The following SNX29 variants were observed in gnomAD, a reference collection of about 807,000 sequenced individuals.
The protein encoded by SNX29 is sorting nexin-29.
SNX29 carries 78 observed loss-of-function variants against 102.1 expected under a neutral mutation model. The ratio of observed to expected loss-of-function variants is 0.76; its 90% CI spans 0.64 to 0.92. The LOEUF (loss-of-function observed/expected upper bound fraction) is 0.92. Among genes scored for constraint, SNX29 ranks in the 40% least tolerant of loss-of-function variants. The probability of loss-of-function intolerance (pLI) is 0.00; values close to 1 mark genes in which losing one functional copy is unlikely to be tolerated. For missense variants in SNX29, 1,280 were observed against 1,061.7 expected, an observed-to-expected ratio of 1.21 and a Z score of -2.86; for synonymous variants, 580 against 414.5, an observed-to-expected ratio of 1.40 and a Z score of -4.85.
At chr16:12,001,527 T>C (rs909788111) in intron 2 of SNX29, among the ~76,000 whole-genome samples, 2 of 152,144 alleles carry the variant, frequency 1.3e-5, no homozygotes, top group African/African-American at 4.8e-5. Context: ...AATTTACATA[T>C]AATAAAATAT....
At chr16:12,108,901 C>T (rs2053381808) in intron 11 of SNX29, among the ~76,000 whole-genome samples, 2 of 152,070 alleles carry the variant, frequency 1.3e-5, no homozygotes, top group South Asian at 4.2e-4. Flanking sequence ...GAGGCCGAGG[C>T]AGGTGGATCA....
At chr16:12,376,818 C>G (rs1035298521) in intron 16 of SNX29, among the ~76,000 whole-genome samples, 1 of 150,754 alleles carries the variant, frequency 6.6e-6, no homozygotes, top group Non-Finnish European at 1.5e-5. Flanking sequence ...TCTTCAATAA[C>G]GTACTTTGTT....
intron 19 of SNX29, among the ~76,000 whole-genome samples, chr16:12,498,761 A>G (rs1187774059): frequency 2.0e-5 from 3 of 152,232 alleles, no homozygotes; most frequent in Non-Finnish European, 4.4e-5. Flanking sequence ...TTAACTTATA[A>G]ACCAAACAGC....
chr16:12,521,190 AAAAC>A (rs1007103359), intron 19 of SNX29, among the ~76,000 whole-genome samples: 2 of 152,182 alleles, frequency 1.3e-5, no homozygotes, highest in African/African-American at 4.8e-5. Context: ...AAAAAAACAA[AAAAC>A]AAAAACAAAT....
At chr16:12,439,172 A>G (rs1490851453) in intron 18 of SNX29, among the ~76,000 whole-genome samples, 1 of 152,166 alleles carries the variant, frequency 6.6e-6, no homozygotes. Flanking sequence ...AGAAAGTGTC[A>G]TTTGCCAGCC....
Position 12,535,786 on chromosome 16 carries a change from T to C in SNX29, c.2318+10945T>C, listed in dbSNP as rs147080712. On this transcript the variant is annotated intron_variant, in intron 20 of 20. Transcript: ENST00000566228. ...GTCTCCTCTGGAGGTCCTCAGAGTATAGAGGCCGCAGCCACTGTGTAAGCC... is the reference window on the plus strand; with the variant it reads ...GTCTCCTCTGGAGGTCCTCAGAGTACAGAGGCCGCAGCCACTGTGTAAGCC... 3.8e-3 allele frequency among the ~76,000 whole-genome samples: 584 copies of C among 152,022 alleles called. 2 individuals are homozygous for C. Among genetic ancestry groups the C allele is most frequent in the Non-Finnish European group, 6.4e-3 (435 of 67,790 alleles).
chr16:12,002,977 C>T lies in SNX29; in HGVS notation c.70-14C>T. On this transcript the variant is annotated splice_polypyrimidine_tract_variant and intron_variant, in intron 2 of 20. Transcript: ENST00000566228. ...TCCCAACAGCTGATCTCAGCAGCTT[C>T]TTTTTCTGTGCAGTGCCAGATCCGC... The T allele has an allele frequency of 6.2e-7, 1 of 1,614,216 alleles. No homozygotes were observed. The highest frequency in any genetic ancestry group is 8.5e-7 in the Non-Finnish European group (1 of 1,180,024).
At chr16:12,239,971 AT>A (rs1209802782) in intron 14 of SNX29, among the ~76,000 whole-genome samples, 1 of 152,180 alleles carries the variant, frequency 6.6e-6, no homozygotes, top group Non-Finnish European at 1.5e-5. Context: ...AGTCTTTTTT[AT>A]TTGTATTTAG....
At chr16:12,264,795 A>G (rs1445035162) in intron 14 of SNX29, among the ~76,000 whole-genome samples, 1 of 151,734 alleles carries the variant, frequency 6.6e-6, no homozygotes, top group Non-Finnish European at 1.5e-5. Context: ...TCACAGGTTT[A>G]GGATGAAAAC....
intron 15 of SNX29, among the ~76,000 whole-genome samples, chr16:12,280,400 G>A (rs1368847658): frequency 2.0e-5 from 3 of 152,180 alleles, no homozygotes; most frequent in African/African-American, 7.2e-5. Context: ...GTTACTGCAG[G>A]GTCCACCTGC....
At chr16:12,202,451 G>A (rs750439977) in intron 14 of SNX29, among the ~76,000 whole-genome samples, 116 of 152,008 alleles carry the variant, frequency 7.6e-4, no homozygotes, top group Non-Finnish European at 1.4e-3. Context: ...ACTTTTATTT[G>A]CGCTTTTGAA....
chr16:11,991,711 CTTT>C (rs762156831), intron 1 of SNX29, among the ~76,000 whole-genome samples: 30 of 118,340 alleles, frequency 2.5e-4, no homozygotes, highest in South Asian at 1.1e-3. Flanking sequence ...TGAGGCTAAT[CTTT>C]TTTTTTTTTT....
intron 14 of SNX29, among the ~76,000 whole-genome samples, chr16:12,260,514 C>A (rs1173589944): frequency 6.6e-6 from 1 of 152,166 alleles, no homozygotes; most frequent in African/African-American, 2.4e-5. Flanking sequence ...AAGCCCAGCC[C>A]CTTGCAGATG....
At chr16:12,223,943 G>A (rs1245128030) in intron 14 of SNX29, among the ~76,000 whole-genome samples, 3 of 152,128 alleles carry the variant, frequency 2.0e-5, no homozygotes, top group South Asian at 2.1e-4. Context: ...ACGTAGCCTC[G>A]GAGGGGTTCA....
intron 11 of SNX29, among the ~76,000 whole-genome samples, chr16:12,095,944 G>C (rs763279322): frequency 1.1e-4 from 17 of 152,226 alleles, no homozygotes; most frequent in Non-Finnish European, 1.9e-4. Flanking sequence ...TCATCGCCTA[G>C]CAACACAATT....
chr16:12,387,494 C>T (rs1461597034), intron 16 of SNX29, among the ~76,000 whole-genome samples: 3 of 142,572 alleles, frequency 2.1e-5, no homozygotes, highest in Non-Finnish European at 4.6e-5. Context: ...CTCCCCTTGC[C>T]ATTTGTTATC....
chr16:12,367,657 T>A (rs1449106342), intron 16 of SNX29, among the ~76,000 whole-genome samples: 1 of 152,264 alleles, frequency 6.6e-6, no homozygotes, highest in African/African-American at 2.4e-5. Flanking sequence ...GAAAGCTTAA[T>A]AAGAAATCTA....
At chr16:12,186,290 A>G (rs2076507933) in intron 13 of SNX29, among the ~76,000 whole-genome samples, 1 of 152,230 alleles carries the variant, frequency 6.6e-6, no homozygotes, top group Admixed American at 6.5e-5. Context: ...GGACAAAAAA[A>G]GAACTCCCAT....
chr16:12,408,042 C>T (rs1413060409), intron 18 of SNX29, among the ~76,000 whole-genome samples: 2 of 152,050 alleles, frequency 1.3e-5, no homozygotes, highest in African/African-American at 4.8e-5. Flanking sequence ...CTTACAGTCC[C>T]AGCTACTGGG....
Sources: gnomAD v4.1 joint callset for allele counts (sites outside exome capture counted in the v4.1 genomes callset) on GRCh38, gnomAD v4.1.1 for gene constraint, MANE v1.5 for transcripts, NCBI Gene and HGNC (gene_info 2026-07-23, HGNC 2026-07-21) for gene names.